Variants in GABRG3 observed in about 807,000 individuals in gnomAD.
The protein encoded by GABRG3 is gamma-aminobutyric acid type A receptor subunit gamma3, also known as gamma-aminobutyric acid receptor subunit gamma-3.
Under a neutral mutation model 48.8 loss-of-function variants are expected in GABRG3, and 25 were observed. The observed-to-expected ratio is 0.51, with a 90% confidence interval of 0.37 to 0.72. The LOEUF (loss-of-function observed/expected upper bound fraction) is 0.72, where lower values mean the gene tolerates loss of function less well. Ranked by LOEUF, GABRG3 falls within the 30% of genes least tolerant of loss-of-function variation. The probability of loss-of-function intolerance (pLI) is 0.00; values close to 1 mark genes in which losing one functional copy is unlikely to be tolerated. For missense variants in GABRG3, 394 were observed against 577.9 expected, an observed-to-expected ratio of 0.68 and a Z score of 3.26; for synonymous variants, 227 against 217.6, an observed-to-expected ratio of 1.04 and a Z score of -0.38.
At chr15:27,506,791 GT>G (rs553904585) in intron 6 of GABRG3, among the ~76,000 whole-genome samples, 3,979 of 150,018 alleles carry the variant, frequency 0.027, 169 homozygotes, top group African/African-American at 0.092. Flanking sequence ...CAACTTTTGG[GT>G]TTTTTTTTCT....
chr15:27,326,936 T>C lies in GABRG3; in HGVS notation c.398T>C (p.Phe133Ser). 1 of 1,613,990 alleles carries C rather than the reference T, an allele frequency of 6.2e-7. No individual in the cohort carries two copies. The highest frequency in any genetic ancestry group is 8.5e-7 in the Non-Finnish European group (1 of 1,179,894). Residue 133 changes from phenylalanine to serine, a missense_variant, in exon 4 of 10, where the codon TTC becomes TCC. By Grantham distance (155) the Phe-to-Ser change is radical (BLOSUM62 -2). Transcript: ENST00000615808. ...VGLIWIPDTIFRNSKTAEAHW... is the reference protein window; with the variant it reads ...VGLIWIPDTISRNSKTAEAHW... ...TTAATCTGGATCCCAGACACCATCT[T>C]CCGCAATTCTAAAACCGCAGAGGCT...
rs1304887039 is a variant in GABRG3, at chr15:27,028,716, G to T, written c.270+1895G>T. ...AGCTACTCGAGAGGCTGAGGCAGAA[G>T]AATCGCTTGAATCCAGGAGGCGGAG... On this transcript the variant is annotated intron_variant, in intron 3 of 9. Coordinates refer to ENST00000615808, the MANE Select transcript of GABRG3 (RefSeq NM_033223.5). Among the ~76,000 whole-genome samples, 6 of 148,514 alleles carry T rather than the reference G, an allele frequency of 4.0e-5. No homozygotes were observed. In the East Asian group the frequency reaches 1.0e-3, roughly 25 times the overall value.
At chr15:27,098,207 G>C (rs762875403) in intron 3 of GABRG3, among the ~76,000 whole-genome samples, 2 of 152,176 alleles carry the variant, frequency 1.3e-5, no homozygotes, top group Non-Finnish European at 2.9e-5. Flanking sequence ...GCCAAGGCGA[G>C]TGGATCACCT....
In GABRG3 at chr15:27,044,355, T is replaced by A. The variant is rs1180121762; in HGVS notation, c.270+17534T>A. Among the ~76,000 whole-genome samples, 7 of 152,062 alleles carry A rather than the reference T, an allele frequency of 4.6e-5. No individual in the cohort carries two copies. In the South Asian group the frequency reaches 8.3e-4, roughly 18 times the overall value. ...ATTTCTGTTCTTGCCCTAAACACGGTTTTGATATTTTTAGGCAAATCGAAG... is the reference window on the plus strand; with the variant it reads ...ATTTCTGTTCTTGCCCTAAACACGGATTTGATATTTTTAGGCAAATCGAAG... On this transcript the variant is annotated intron_variant, in intron 3 of 9. Coordinates refer to ENST00000615808, the MANE Select transcript of GABRG3 (RefSeq NM_033223.5).
chr15:26,980,829 T>C (rs1895041164), intron 2 of GABRG3, among the ~76,000 whole-genome samples: 1 of 152,202 alleles, frequency 6.6e-6, no homozygotes, highest in Non-Finnish European at 1.5e-5. Context: ...CAGTTAAATG[T>C]ATTTTTTAAT....
chr15:27,524,501 A>G (rs1468380381), intron 7 of GABRG3, among the ~76,000 whole-genome samples: 2 of 152,148 alleles, frequency 1.3e-5, no homozygotes, highest in African/African-American at 4.8e-5. Context: ...TTTCTAAATT[A>G]CTTATAATGG....
chr15:27,160,086 C>G (rs1887119579), intron 3 of GABRG3, among the ~76,000 whole-genome samples: 2 of 152,194 alleles, frequency 1.3e-5, no homozygotes, highest in South Asian at 4.1e-4. Context: ...CCTGGGTGGA[C>G]TCCCTGGTTC....
rs1196120521 is a variant in GABRG3 at position 27,385,797 on chromosome 15, A to ATGGTT, written c.574+56911_574+56915dup. Among the ~76,000 whole-genome samples the ATGGTT allele has an allele frequency of 1.4e-4, 21 of 152,212 alleles. No homozygotes were observed. The East Asian group carries it at 3.7e-3, about 27-fold the overall frequency. On this transcript the variant is annotated intron_variant, in intron 5 of 9. Coordinates refer to ENST00000615808, the MANE Select transcript of GABRG3 (RefSeq NM_033223.5). ...TCATATTTCCCTTAATTCTGCAAGC[A>ATGGTT]TGGTTTCCTTCAATTCTTTGAGTAT...
At chr15:27,009,632 A>G (rs1357340869) in intron 2 of GABRG3, among the ~76,000 whole-genome samples, 1 of 152,200 alleles carries the variant, frequency 6.6e-6, no homozygotes, top group African/African-American at 2.4e-5. Context: ...CAATGCCTAC[A>G]TTAGGACAGT....
chr15:27,225,564 G>T (rs1889586123), intron 3 of GABRG3, among the ~76,000 whole-genome samples: 2 of 152,098 alleles, frequency 1.3e-5, no homozygotes, highest in Admixed American at 1.3e-4. Flanking sequence ...TGGGCATTTG[G>T]GTTGTTCATT....
chr15:27,049,783 C>T (rs558925707), intron 3 of GABRG3, among the ~76,000 whole-genome samples: 19 of 152,312 alleles, frequency 1.2e-4, no homozygotes, highest in African/African-American at 4.3e-4. Context: ...GTGCACGCTG[C>T]TAGACCAGGA....
intron 5 of GABRG3, among the ~76,000 whole-genome samples, chr15:27,346,939 A>T (rs899867061): frequency 6.6e-6 from 1 of 152,134 alleles, no homozygotes; most frequent in African/African-American, 2.4e-5. Flanking sequence ...ATGTGGCTCT[A>T]ATGATTGCTG....
chr15:27,034,629 C>T (rs557175431), intron 3 of GABRG3, among the ~76,000 whole-genome samples: 2 of 152,262 alleles, frequency 1.3e-5, no homozygotes, highest in East Asian at 3.9e-4. Context: ...GAAGATGACA[C>T]TTAAAGGCTT....
chr15:27,300,313 A>G (rs1774533412), intron 3 of GABRG3, among the ~76,000 whole-genome samples: 1 of 152,148 alleles, frequency 6.6e-6, no homozygotes, highest in African/African-American at 2.4e-5. Context: ...ACAGACACCC[A>G]TGCCATTATG....
At chr15:27,223,450 C>T (rs1379922118) in intron 3 of GABRG3, among the ~76,000 whole-genome samples, 1 of 151,940 alleles carries the variant, frequency 6.6e-6, no homozygotes, top group African/African-American at 2.4e-5. Context: ...ATGTAAGCTT[C>T]AAGTTTTAAG....
At chr15:26,986,893 C>T (rs1220596534) in intron 2 of GABRG3, among the ~76,000 whole-genome samples, 2 of 152,154 alleles carry the variant, frequency 1.3e-5, no homozygotes, top group African/African-American at 2.4e-5. Flanking sequence ...GTTATCCCAC[C>T]AGTTACCAGC....
At chr15:26,986,438 C>G (rs1895152663) in intron 2 of GABRG3, among the ~76,000 whole-genome samples, 1 of 152,146 alleles carries the variant, frequency 6.6e-6, no homozygotes, top group African/African-American at 2.4e-5. Flanking sequence ...GTTCAGACCT[C>G]AGCTTAACAC....
intron 3 of GABRG3, among the ~76,000 whole-genome samples, chr15:27,126,890 A>T (rs1202149960): frequency 6.6e-6 from 1 of 152,280 alleles, no homozygotes; most frequent in East Asian, 1.9e-4. Flanking sequence ...TAGGTGGAGG[A>T]CATGGTGACC....
intron 5 of GABRG3, among the ~76,000 whole-genome samples, chr15:27,408,710 C>A (rs1304533298): frequency 6.6e-6 from 1 of 152,154 alleles, no homozygotes; most frequent in Non-Finnish European, 1.5e-5. Flanking sequence ...CTCCTCAAGG[C>A]ACCTGCTGAG....
Sources: gnomAD v4.1 joint callset for allele counts (sites outside exome capture counted in the v4.1 genomes callset) on GRCh38, gnomAD v4.1.1 for gene constraint, MANE v1.5 for transcripts, NCBI Gene and HGNC (gene_info 2026-07-23, HGNC 2026-07-21) for gene names.